Variants in GPRC5B observed in about 807,000 individuals in gnomAD.
GPRC5B encodes G protein-coupled receptor class C group 5 member B.
A neutral mutation model predicts 30.1 loss-of-function variants in GPRC5B; 16 were observed. The ratio of observed to expected loss-of-function variants is 0.53; its 90% CI spans 0.36 to 0.81. The LOEUF (loss-of-function observed/expected upper bound fraction) is 0.81, where lower values mean the gene tolerates loss of function less well. Among genes scored for constraint, GPRC5B ranks in the 30% least tolerant of loss-of-function variants. The pLI is 0.01. For missense variants in GPRC5B, 428 were observed against 544.7 expected, an observed-to-expected ratio of 0.79 and a Z score of 2.13; for synonymous variants, 241 against 239.5, an observed-to-expected ratio of 1.01 and a Z score of -0.06.
chr16:19,870,267 C>G (rs2056704875), intron 2 of GPRC5B, among the ~76,000 whole-genome samples: 1 of 152,210 alleles, frequency 6.6e-6, no homozygotes, highest in Non-Finnish European at 1.5e-5. Context: ...ATCTTCTCTG[C>G]CTTCTCAGTC....
In GPRC5B at chr16:19,872,158, T is replaced by C. The variant is rs2056725587; in HGVS notation, c.688A>G (p.Lys230Glu). ...ATGAGGAGGAAGGCCCCGTTCAGCT[T>C]CCACCTCTTGAACTTGCCGCACAGA... ...FTLCGKFKRW[K>E]LNGAFLLITA... Residue 230 changes from lysine (K) to glutamate (E), a missense_variant, in exon 2 of 4, where the codon AAG becomes GAG. Physicochemically the swap from Lys to Glu is moderately conservative, Grantham distance 56. Around this residue, in one of 3 missense-constraint regions of GPRC5B, gnomAD observed 213 missense variants for 229.1 expected, o/e 0.93. Coordinates refer to ENST00000300571, the MANE Select transcript of GPRC5B (RefSeq NM_016235.3). The surrounding 1 kb of genome is among the most constrained non-coding windows in gnomAD (Gnocchi z 5.0). The C allele has an allele frequency of 6.2e-7, 1 of 1,614,070 alleles. No individual in the cohort carries two copies. Among genetic ancestry groups the C allele is most frequent in the East Asian group, 2.2e-5 (1 of 44,874 alleles).
At chr16:19,862,253 C>A in intron 2 of GPRC5B, 1 of 396,398 alleles carries the variant, frequency 2.5e-6, no homozygotes, top group Non-Finnish European at 4.6e-6. Flanking sequence ...CCAAGCCACG[C>A]AGCCTCTGCA....
intron 2 of GPRC5B, among the ~76,000 whole-genome samples, chr16:19,864,308 AG>A (rs1399666775): frequency 1.3e-5 from 2 of 152,250 alleles, no homozygotes; most frequent in African/African-American, 4.8e-5. Flanking sequence ...GACAGCCCAA[AG>A]CCCCTAATAG....
chr16:19,862,065 C>A (rs540517004), intron 2 of GPRC5B, 92 bp from the exon 3 acceptor site: 6 of 1,134,114 alleles, frequency 5.3e-6, no homozygotes, highest in Non-Finnish European at 7.7e-6. Flanking sequence ...CTCCGGGCAC[C>A]CCCATCCACC....
Position 19,860,433 on chromosome 16 carries a change from C to G in GPRC5B, c.*67G>C. 9.8e-7 allele frequency: 1 copy of G among 1,024,232 alleles called. No homozygotes were observed. 63.4% of individuals were successfully genotyped at this position (1,024,232 alleles called of 1,614,324 possible). On this transcript the variant is annotated 3_prime_UTR_variant, in exon 4 of 4. Coordinates refer to ENST00000300571, the MANE Select transcript of GPRC5B (RefSeq NM_016235.3). ...CGGCAACTGTTACCGATTTCTCCCT[C>G]AAGAAAGACACAGCCAGGGAGGCAA...
At position 19,860,459 on chromosome 16, in the gene GPRC5B, A is replaced by C. The variant is rs779006378; in HGVS notation, c.*41T>G. 6 of 1,339,686 alleles carry C rather than the reference A, an allele frequency of 4.5e-6. No individual in the cohort carries two copies. The Admixed American group carries it at 1.0e-4, about 23-fold the overall frequency. The allele number at this position is 1,339,686 out of a possible 1,614,324, so 83.0% of individuals were successfully genotyped here. A position where few individuals can be genotyped will look rare whatever the true frequency, so the allele number is the denominator to read the frequency against. On this transcript the variant is annotated 3_prime_UTR_variant, in exon 4 of 4. Transcript: ENST00000300571. Reference sequence around the variant, plus strand: ...AAGAAAGACACAGCCAGGGAGGCAAATCGGTAAGAGAAATTCTGATTCTCT... The same window carrying C: ...AAGAAAGACACAGCCAGGGAGGCAACTCGGTAAGAGAAATTCTGATTCTCT...
At chr16:19,865,164 C>T (rs2056656752) in intron 2 of GPRC5B, among the ~76,000 whole-genome samples, 2 of 152,078 alleles carry the variant, frequency 1.3e-5, no homozygotes, top group South Asian at 4.2e-4. Context: ...CCTGCCTCAG[C>T]CTCCCAAAGA....
At chr16:19,875,720 A>C (rs541722875) in intron 1 of GPRC5B, among the ~76,000 whole-genome samples, 4 of 152,210 alleles carry the variant, frequency 2.6e-5, no homozygotes, top group African/African-American at 4.8e-5. Flanking sequence ...TGGAGGTTTC[A>C]GTGCGCCAAG....
intron 1 of GPRC5B, among the ~76,000 whole-genome samples, chr16:19,879,593 C>T (rs1197318703): frequency 6.6e-6 from 1 of 152,052 alleles, no homozygotes; most frequent in African/African-American, 2.4e-5. Flanking sequence ...GAAAACAAGG[C>T]CTGCCCGGAG....
At chr16:19,876,953 A>C (rs1349905819) in intron 1 of GPRC5B, among the ~76,000 whole-genome samples, 2 of 152,212 alleles carry the variant, frequency 1.3e-5, no homozygotes, top group African/African-American at 4.8e-5. Context: ...CCTTAGCCAC[A>C]GTGAGTGGTT....
intron 1 of GPRC5B, among the ~76,000 whole-genome samples, chr16:19,878,482 G>A (rs1567211826): frequency 1.3e-5 from 2 of 151,910 alleles, no homozygotes; most frequent in South Asian, 2.1e-4. Context: ...TAGCAGAGAC[G>A]GAGGTTTTGC....
At chr16:19,885,384 G>GGC, upstream of GPRC5B, 1 of 1,173,550 alleles carries the variant, frequency 8.5e-7, no homozygotes, top group Non-Finnish European at 1.1e-6. The surrounding 1 kb of genome is among the most constrained non-coding windows in gnomAD (Gnocchi z 5.3). Context: ...TATACACCTA[G>GGC]GCGCACACAC....
chr16:19,860,304 G>A lies in GPRC5B; in HGVS notation c.*196C>T, dbSNP rs569157898. On this transcript the variant is annotated 3_prime_UTR_variant, in exon 4 of 4. Coordinates refer to ENST00000300571, the MANE Select transcript of GPRC5B (RefSeq NM_016235.3). ...CGTGTCTGTGTGTGTGGCAGGGGAG[G>A]GGCGGGCAGTCGGTGTTAGCTTTTC... The A allele has an allele frequency of 2.5e-4, 142 of 576,872 alleles. No homozygotes were observed. The highest frequency in any genetic ancestry group is 1.3e-3 in the Admixed American group (44 of 32,760). The allele number at this position is 576,872 out of a possible 1,614,324, so 35.7% of individuals were successfully genotyped here.
intron 2 of GPRC5B, among the ~76,000 whole-genome samples, chr16:19,864,877 A>G (rs111238230): frequency 0.014 from 2,126 of 151,318 alleles, 59 homozygotes; most frequent in African/African-American, 0.049. Flanking sequence ...CAGGACTCCA[A>G]CTTAGCCTTT....
In GPRC5B at chr16:19,866,447, C is replaced by T. The variant is rs553029631; in HGVS notation, c.1031-4474G>A. Among the ~76,000 whole-genome samples, 89 of 152,234 alleles carry T rather than the reference C, an allele frequency of 5.8e-4. 1 individual carries two copies. Among genetic ancestry groups the T allele is most frequent in the Admixed American group, 1.6e-3 (25 of 15,288 alleles). On this transcript the variant is annotated intron_variant, in intron 2 of 3. Transcript: ENST00000300571. ...TCTCAGCTCACTGTAACCTCTGCCTCCCCGGTTCAAGCGATTCTCCCACCT... is the reference window on the plus strand; with the variant it reads ...TCTCAGCTCACTGTAACCTCTGCCTTCCCGGTTCAAGCGATTCTCCCACCT...
chr16:19,880,428 T>TAAATAAAATCAAATAAAATA (rs2056797518), intron 1 of GPRC5B, among the ~76,000 whole-genome samples: 1 of 139,296 alleles, frequency 7.2e-6, no homozygotes, highest in Non-Finnish European at 1.5e-5. Context: ...GTCTCTGTTA[T>TAAATAAAATCAAATAAAATA]AAATAAAATA....
At chr16:19,877,843 A>G (rs2056770653) in intron 1 of GPRC5B, among the ~76,000 whole-genome samples, 1 of 152,148 alleles carries the variant, frequency 6.6e-6, no homozygotes, top group South Asian at 2.1e-4. Flanking sequence ...ACTAGCTTTT[A>G]CTACACACTA....
At position 19,872,809 on chromosome 16, in the gene GPRC5B, G is replaced by A; in HGVS notation, c.37C>T (p.Gln13Ter). 1.2e-6 allele frequency: 2 copies of A among 1,613,640 alleles called. No homozygotes were observed. Among genetic ancestry groups the A allele is most frequent in the East Asian group, 2.2e-5 (1 of 44,868 alleles). The change falls in exon 2 of 4, where the codon CAG becomes TAG. Residue 13 changes from glutamine to a stop codon, truncating the protein, a stop_gained. Coordinates refer to ENST00000300571, the MANE Select transcript of GPRC5B (RefSeq NM_016235.3). LOFTEE classifies it high-confidence loss of function. This position sits in a 1 kb window ranked among gnomAD's most constrained non-coding sequence, Gnocchi z 5.0. ...VASERKMRAH[Q>*]VLTFLLLFVI... ...AAGAGCAGGAGGAAGGTGAGCACCT[G>A]GTGAGCTCTCATCTTTCTCTCTGAT...
chr16:19,884,628 C>T, intron 1 of GPRC5B, 99 bp downstream of exon 1: 1 of 878,452 alleles, frequency 1.1e-6, no homozygotes, highest in Non-Finnish European at 1.4e-6. Context: ...CTTAGAAAAA[C>T]ACAAGAAGCG....
Sources: allele counts gnomAD v4.1 joint callset (sites outside exome capture counted in the v4.1 genomes callset), GRCh38; gene constraint gnomAD v4.1.1; regional missense constraint gnomAD v4.1.1; non-coding constraint Gnocchi (gnomAD v3.1); transcripts MANE v1.5; gene names NCBI Gene and HGNC (gene_info 2026-07-23, HGNC 2026-07-21).